SLIT2: variants seen among roughly 807,000 people sequenced by gnomAD.
The protein encoded by SLIT2 is slit homolog 2 protein.
Under a neutral mutation model 185.7 loss-of-function variants are expected in SLIT2, and 41 were observed. That is an observed-to-expected ratio of 0.22 (90% CI 0.17 to 0.29). The LOEUF is 0.29. Ranked by LOEUF, SLIT2 falls within the 10% of genes least tolerant of loss-of-function variation. The pLI is 1.00. For synonymous variants in SLIT2, 693 were observed against 680.2 expected, an observed-to-expected ratio of 1.02 and a Z score of -0.29; for missense variants, 1,571 against 1,909.0, an observed-to-expected ratio of 0.82 and a Z score of 3.30.
chr4:20,397,608 A>G (rs945103127), intron 4 of SLIT2, among the ~76,000 whole-genome samples: 1 of 151,826 alleles, frequency 6.6e-6, no homozygotes, highest in Non-Finnish European at 1.5e-5. Context: ...CTCTGTCAAG[A>G]TGAGCATTTC....
intron 4 of SLIT2, among the ~76,000 whole-genome samples, chr4:20,272,870 C>T (rs1713777746): frequency 6.6e-6 from 1 of 152,058 alleles, no homozygotes; most frequent in African/African-American, 2.4e-5. Flanking sequence ...CATGATTCCC[C>T]AGTGAGTTTT....
intron 4 of SLIT2, among the ~76,000 whole-genome samples, chr4:20,315,285 C>T (rs562621541): frequency 2.2e-4 from 34 of 152,190 alleles, no homozygotes; most frequent in South Asian, 8.3e-4. Context: ...GACTGCAAAA[C>T]GTCATGAATA....
At chr4:20,265,348 T>C (rs1217028406) in intron 3 of SLIT2, among the ~76,000 whole-genome samples, 1 of 151,974 alleles carries the variant, frequency 6.6e-6, no homozygotes, top group African/African-American at 2.4e-5. Context: ...AAAGTTTTGC[T>C]TTTTCTGTTA....
chr4:20,448,310 AT>A (rs1369280973), intron 4 of SLIT2, among the ~76,000 whole-genome samples: 1 of 150,914 alleles, frequency 6.6e-6, no homozygotes, highest in African/African-American at 2.4e-5. Flanking sequence ...TTATGAGTTT[AT>A]TTTTTTTTGA....
At chr4:20,393,920 T>C (rs1410543467) in intron 4 of SLIT2, among the ~76,000 whole-genome samples, 1 of 152,060 alleles carries the variant, frequency 6.6e-6, no homozygotes, top group African/African-American at 2.4e-5. Context: ...AGCATCTTTA[T>C]TGGGATAGCC....
At chr4:20,368,386 A>G (rs909353751) in intron 4 of SLIT2, among the ~76,000 whole-genome samples, 1 of 151,890 alleles carries the variant, frequency 6.6e-6, no homozygotes, top group African/African-American at 2.4e-5. Flanking sequence ...CAAAAAAAAG[A>G]GAAAGTTCTC....
intron 29 of SLIT2, among the ~76,000 whole-genome samples, chr4:20,570,272 G>C (rs999623558): frequency 1.3e-5 from 2 of 152,058 alleles, no homozygotes; most frequent in African/African-American, 4.8e-5. Context: ...CCCTTCGACT[G>C]CTTAGTGGGT....
intron 4 of SLIT2, among the ~76,000 whole-genome samples, chr4:20,361,262 T>TTTA (rs10694794): frequency 0.44 from 66,649 of 151,562 alleles, 14,898 homozygotes; most frequent in Non-Finnish European, 0.48. Context: ...TATATTAGGT[T>TTTA]TTATTAGAGC....
At position 20,546,028 on chromosome 4, in the gene SLIT2, T is replaced by C; in HGVS notation, c.2277-3T>C. The C allele has an allele frequency of 1.3e-6, 2 of 1,522,564 alleles. No homozygotes were observed. The highest frequency in any genetic ancestry group is 2.3e-5 in the East Asian group (1 of 43,922). The allele number at this position is 1,522,564 out of a possible 1,614,324, so 94.3% of individuals were successfully genotyped here. On this transcript the variant is annotated splice_polypyrimidine_tract_variant and splice_region_variant and intron_variant, in intron 21 of 36. Transcript: ENST00000504154. Reference sequence around the variant, plus strand: ...GAAGATAATATTGTTCCATTGTTTTTAGGTATCTGGATGGAAACCAATTTA... The same window carrying C: ...GAAGATAATATTGTTCCATTGTTTTCAGGTATCTGGATGGAAACCAATTTA...
At chr4:20,482,143 G>T (rs1218474421) in intron 6 of SLIT2, among the ~76,000 whole-genome samples, 1 of 151,944 alleles carries the variant, frequency 6.6e-6, no homozygotes, top group East Asian at 1.9e-4. Flanking sequence ...CATAGTCAGT[G>T]TCACTAAAAT....
intron 9 of SLIT2, among the ~76,000 whole-genome samples, chr4:20,495,260 T>C (rs1718130364): frequency 6.6e-6 from 1 of 152,176 alleles, no homozygotes; most frequent in Non-Finnish European, 1.5e-5. Context: ...TGGACAAATT[T>C]GGGTTAATTC....
intron 33 of SLIT2, among the ~76,000 whole-genome samples, chr4:20,603,966 G>C (rs1281829261): frequency 3.9e-5 from 6 of 152,132 alleles, no homozygotes; most frequent in Non-Finnish European, 8.8e-5. Context: ...TTATAACCTT[G>C]GGCAGATTGC....
At chr4:20,291,481 T>C (rs1715870201) in intron 4 of SLIT2, among the ~76,000 whole-genome samples, 1 of 10,320 alleles carries the variant, frequency 9.7e-5, no homozygotes, top group Non-Finnish European at 1.8e-4. Context: ...TATATATATA[T>C]ATATATATAT....
At chr4:20,294,348 CAAA>C (rs34046519) in intron 4 of SLIT2, among the ~76,000 whole-genome samples, 1 of 123,508 alleles carries the variant, frequency 8.1e-6, no homozygotes. Context: ...GACTCTGTCT[CAAA>C]AAAAAAAAAA....
At chr4:20,340,234 G>A (rs1720852833) in intron 4 of SLIT2, among the ~76,000 whole-genome samples, 1 of 152,140 alleles carries the variant, frequency 6.6e-6, no homozygotes, top group African/African-American at 2.4e-5. Flanking sequence ...CATTCTTTGA[G>A]TTACTACCCT....
At chr4:20,344,654 T>C (rs533003297) in intron 4 of SLIT2, among the ~76,000 whole-genome samples, 1 of 152,308 alleles carries the variant, frequency 6.6e-6, no homozygotes, top group East Asian at 1.9e-4. Context: ...GTCTCCCTCA[T>C]TGATATCCTG....
intron 6 of SLIT2, among the ~76,000 whole-genome samples, chr4:20,483,831 T>A (rs115454224): frequency 6.6e-6 from 1 of 152,064 alleles, no homozygotes; most frequent in African/African-American, 2.4e-5. Context: ...AATTACAATA[T>A]ATAAATTTCC....
intron 4 of SLIT2, among the ~76,000 whole-genome samples, chr4:20,395,107 A>G (rs1725779613): frequency 1.3e-5 from 2 of 152,070 alleles, no homozygotes; most frequent in Non-Finnish European, 2.9e-5. Context: ...TACCTTAAAT[A>G]GATGACCATC....
At position 20,617,121 on chromosome 4, in the gene SLIT2, C is replaced by T; in HGVS notation, c.4059C>T (p.Gly1353=). ...HGTCQPSSQA[G]FTCECQEGWM... is the part of the protein sequence containing the mutation. ...CATGCCAGCCCAGCAGCCAGGCAGGCTTCACCTGCGAGTGCCAGGAAGGAT... is the reference window on the plus strand; with the variant it reads ...CATGCCAGCCCAGCAGCCAGGCAGGTTTCACCTGCGAGTGCCAGGAAGGAT... The change falls in exon 35 of 37, where the codon GGC becomes GGT. Residue 1353 remains glycine, a synonymous_variant. Coordinates refer to ENST00000504154, the MANE Select transcript of SLIT2 (RefSeq NM_004787.4). 1 of 1,610,576 alleles carries T rather than the reference C, an allele frequency of 6.2e-7. No homozygotes were observed.
Sources: gnomAD v4.1 joint callset for allele counts (sites outside exome capture counted in the v4.1 genomes callset) on GRCh38, gnomAD v4.1.1 for gene constraint, MANE v1.5 for transcripts, NCBI Gene and HGNC (gene_info 2026-07-23, HGNC 2026-07-21) for gene names.